The following CRADD variants were observed in gnomAD, a reference collection of about 807,000 sequenced individuals.
CRADD encodes death domain-containing protein CRADD.
A neutral mutation model predicts 15.5 loss-of-function variants in CRADD; 9 were observed. That is an observed-to-expected ratio of 0.58 (90% confidence interval 0.35 to 1.01). CRADD has a LOEUF of 1.01. CRADD is among the 50% of genes least tolerant of loss of function. The pLI is 0.02. For synonymous variants in CRADD, 118 were observed against 107.6 expected, an observed-to-expected ratio of 1.10 and a Z score of -0.60; for missense variants, 227 against 250.3, an observed-to-expected ratio of 0.91 and a Z score of 0.63.
At chr12:93,818,552 G>A (rs968901282) in intron 2 of CRADD, among the ~76,000 whole-genome samples, 2 of 152,132 alleles carry the variant, frequency 1.3e-5, no homozygotes, top group African/African-American at 4.8e-5. Context: ...GGTGGGAGGT[G>A]GGGAGGAACA....
intron 2 of CRADD, among the ~76,000 whole-genome samples, chr12:93,859,740 T>A (rs1326032858): frequency 6.6e-6 from 1 of 151,878 alleles, no homozygotes; most frequent in Non-Finnish European, 1.5e-5. Flanking sequence ...TCTTTTTTTT[T>A]AAGAGACAGG....
intron 2 of CRADD, among the ~76,000 whole-genome samples, chr12:93,817,689 C>A (rs7306174): frequency 6.6e-6 from 1 of 151,714 alleles, no homozygotes; most frequent in African/African-American, 2.4e-5. Context: ...CAGGTTGGGG[C>A]CTTCGAATCC....
chr12:93,723,521 T>C (rs1956301815), intron 2 of CRADD, among the ~76,000 whole-genome samples: 2 of 152,150 alleles, frequency 1.3e-5, no homozygotes, highest in African/African-American at 4.8e-5. Flanking sequence ...CATTCCCTAT[T>C]CCCGACCCTG....
At chr12:93,736,688 T>C (rs933521705) in intron 2 of CRADD, among the ~76,000 whole-genome samples, 3 of 152,242 alleles carry the variant, frequency 2.0e-5, no homozygotes, top group Non-Finnish European at 2.9e-5. Flanking sequence ...CTGGTCTAAT[T>C]ATGATATAGA....
intron 2 of CRADD, among the ~76,000 whole-genome samples, chr12:93,710,787 C>T (rs560627316): frequency 5.9e-5 from 9 of 152,170 alleles, no homozygotes; most frequent in Admixed American, 1.3e-4. Context: ...AGTTGGGATG[C>T]GCAGACAGGG....
At chr12:93,851,517 C>T (rs949902792), downstream of CRADD, among the ~76,000 whole-genome samples, 4 of 152,156 alleles carry the variant, frequency 2.6e-5, no homozygotes, top group Non-Finnish European at 5.9e-5. Flanking sequence ...CAATAATGTC[C>T]GCCAACAGCA....
rs180938360 is a variant in CRADD at position 93,864,827 on chromosome 12, A to G, written c.299-29223A>G. On this transcript the variant is annotated intron_variant, in intron 2 of 2. Coordinates refer to the CRADD transcript ENST00000548483. ...AAAATCTTACACATGTTTCTTATGCAAGTTATGTAACTTCTCTGTGCTTCA... is the reference window on the plus strand; with the variant it reads ...AAAATCTTACACATGTTTCTTATGCGAGTTATGTAACTTCTCTGTGCTTCA... Among the ~76,000 whole-genome samples the G allele has an allele frequency of 9.8e-5, 15 of 152,368 alleles. No homozygotes were observed. In the East Asian group the frequency reaches 2.9e-3, roughly 29 times the overall value.
intron 2 of CRADD, among the ~76,000 whole-genome samples, chr12:93,718,407 G>T (rs1047870651): frequency 1.3e-5 from 2 of 152,002 alleles, no homozygotes; most frequent in Non-Finnish European, 2.9e-5. Context: ...TTTGATCTTT[G>T]GGGGGGTGCT....
At chr12:93,681,719 C>T (rs893397193) in intron 2 of CRADD, among the ~76,000 whole-genome samples, 1 of 152,186 alleles carries the variant, frequency 6.6e-6, no homozygotes, top group Non-Finnish European at 1.5e-5. Context: ...AATCTTGTCT[C>T]ATTCCCAACC....
At chr12:93,702,786 G>A (rs1231627495) in intron 2 of CRADD, among the ~76,000 whole-genome samples, 1 of 151,814 alleles carries the variant, frequency 6.6e-6, no homozygotes, top group Non-Finnish European at 1.5e-5. Context: ...TCAGGCAAGT[G>A]CACCATACAG....
chr12:93,702,007 C>T (rs1460985874), intron 2 of CRADD, among the ~76,000 whole-genome samples: 2 of 151,738 alleles, frequency 1.3e-5, no homozygotes, highest in African/African-American at 4.9e-5. Flanking sequence ...GATCTTTCTC[C>T]ATGTTTTAAC....
In CRADD at chr12:93,887,785, G is replaced by C. The variant is rs79704623; in HGVS notation, c.299-6265G>C. Among the ~76,000 whole-genome samples, 973 of 151,696 alleles carry C rather than the reference G, an allele frequency of 6.4e-3. 11 individuals carry two copies. The highest frequency in any genetic ancestry group is 0.022 in the African/African-American group (909 of 40,978). On this transcript the variant is annotated intron_variant, in intron 2 of 2. Coordinates refer to the CRADD transcript ENST00000548483. ...CGTGCCTGGCTGTGACTAAGGCACA[G>C]GGGATACAAATGAAAACAGAATTAC...
chr12:93,742,387 C>T (rs1484859480), intron 2 of CRADD, among the ~76,000 whole-genome samples: 1 of 151,054 alleles, frequency 6.6e-6, no homozygotes, highest in Non-Finnish European at 1.5e-5. Flanking sequence ...GGCCGGGCAC[C>T]CGCGGGCCGC....
chr12:93,705,387 C>T (rs1955924176), intron 2 of CRADD, among the ~76,000 whole-genome samples: 1 of 152,158 alleles, frequency 6.6e-6, no homozygotes, highest in Non-Finnish European at 1.5e-5. Flanking sequence ...AAGTTCTTTT[C>T]CTGAGGCAGG....
At chr12:93,746,288 C>T (rs576185753) in intron 2 of CRADD, among the ~76,000 whole-genome samples, 2 of 152,276 alleles carry the variant, frequency 1.3e-5, no homozygotes, top group Admixed American at 6.5e-5. Flanking sequence ...CAATAAAAAT[C>T]ATAAAAACAC....
At chr12:93,777,467 G>T (rs1957152920) in intron 2 of CRADD, among the ~76,000 whole-genome samples, 1 of 152,186 alleles carries the variant, frequency 6.6e-6, no homozygotes, top group Non-Finnish European at 1.5e-5. Context: ...GGAAAAGGAA[G>T]GTCAGAGAGA....
intron 2 of CRADD, among the ~76,000 whole-genome samples, chr12:93,842,919 C>T (rs866773753): frequency 3.9e-5 from 6 of 151,930 alleles, no homozygotes; most frequent in South Asian, 2.1e-4. Context: ...CTTTTGAAAC[C>T]GACGAGTTTC....
intron 2 of CRADD, among the ~76,000 whole-genome samples, chr12:93,847,840 C>T (rs12369348): frequency 9.9e-5 from 15 of 152,092 alleles, no homozygotes; most frequent in African/African-American, 3.6e-4. Flanking sequence ...CTTGAGTTTT[C>T]GTAACTTTTT....
intron 2 of CRADD, among the ~76,000 whole-genome samples, chr12:93,710,387 C>T (rs1179313529): frequency 3.3e-5 from 5 of 149,544 alleles, no homozygotes; most frequent in African/African-American, 1.2e-4. Flanking sequence ...GCTCTGTTGC[C>T]CAGGCTGGAG....
Sources: gnomAD v4.1 joint callset for allele counts (sites outside exome capture counted in the v4.1 genomes callset) on GRCh38, gnomAD v4.1.1 for gene constraint, MANE v1.5 for transcripts, NCBI Gene and HGNC (gene_info 2026-07-23, HGNC 2026-07-21) for gene names.